The following SKA2 variants were observed in gnomAD, a reference collection of about 807,000 sequenced individuals.
The protein encoded by SKA2 is spindle and kinetochore associated complex subunit 2.
Under a neutral mutation model 16.9 loss-of-function variants are expected in SKA2, and 13 were observed. The ratio of observed to expected loss-of-function variants is 0.77; its 90% CI spans 0.50 to 1.22. The LOEUF is 1.22. SKA2 is among the 50% of genes most tolerant of loss of function. The pLI, the probability that SKA2 is intolerant of heterozygous loss-of-function variation, is 0.00. For missense variants in SKA2, 107 were observed against 139.7 expected, an observed-to-expected ratio of 0.77 and a Z score of 1.18; for synonymous variants, 47 against 48.5, an observed-to-expected ratio of 0.97 and a Z score of 0.13.
chr17:59,114,251 C>T (rs1301464951), intron 3 of SKA2, among the ~76,000 whole-genome samples: 1 of 152,172 alleles, frequency 6.6e-6, no homozygotes, highest in Admixed American at 6.6e-5. Flanking sequence ...ATCTCAGGCA[C>T]ATCGCTATGA....
chr17:59,122,524 T>C lies in SKA2; in HGVS notation c.121-3029A>G, dbSNP rs578254757. On this transcript the variant is annotated intron_variant, in intron 2 of 3. Transcript: ENST00000330137. ...TACTCAGGAGGCTGAGGTGGGAGGA[T>C]CACTTGAGCCTGGGAGGCAGAGGTT... Among the ~76,000 whole-genome samples, 50 of 152,160 alleles carry C rather than the reference T, an allele frequency of 3.3e-4. No individual in the cohort carries two copies. In the Middle Eastern group the frequency reaches 0.014, roughly 41 times the overall value.
chr17:59,138,878 A>C (rs1317185069), intron 1 of SKA2, among the ~76,000 whole-genome samples: 1 of 152,202 alleles, frequency 6.6e-6, no homozygotes, highest in East Asian at 1.9e-4. Flanking sequence ...GTTTTAAAAC[A>C]CTTGCTTTTT....
At chr17:59,154,425 C>T (rs886923290) in intron 1 of SKA2, among the ~76,000 whole-genome samples, 3 of 152,136 alleles carry the variant, frequency 2.0e-5, no homozygotes, top group Admixed American at 6.5e-5. Context: ...TTCTTCGCCC[C>T]CGTTTTCTAC....
chr17:59,145,665 C>A (rs1408743663), intron 1 of SKA2, among the ~76,000 whole-genome samples: 1 of 151,978 alleles, frequency 6.6e-6, no homozygotes, highest in African/African-American at 2.4e-5. Context: ...TTCTTAATAT[C>A]TTTAGCCTCT....
chr17:59,112,389 G>T, intron 3 of SKA2, 44 bp from the exon 4 acceptor site: 2 of 1,468,098 alleles, frequency 1.4e-6, no homozygotes, highest in South Asian at 1.2e-5. Flanking sequence ...AACTTTCAAA[G>T]ACTTAAATCA....
intron 1 of SKA2, among the ~76,000 whole-genome samples, chr17:59,140,493 T>G (rs1451043652): frequency 6.6e-6 from 1 of 151,902 alleles, no homozygotes; most frequent in Non-Finnish European, 1.5e-5. Context: ...CCTCCCAAAG[T>G]GCTGGGATTA....
At chr17:59,124,841 A>G (rs1448511410) in intron 2 of SKA2, among the ~76,000 whole-genome samples, 2 of 152,200 alleles carry the variant, frequency 1.3e-5, no homozygotes, top group African/African-American at 2.4e-5. Flanking sequence ...TTAGGACAAC[A>G]TGATTTGCAT....
At chr17:59,140,273 A>G (rs1029270092) in intron 1 of SKA2, among the ~76,000 whole-genome samples, 1 of 149,532 alleles carries the variant, frequency 6.7e-6, no homozygotes, top group African/African-American at 2.5e-5. Flanking sequence ...CTTGTCCCCC[A>G]GGCTGAAGTG....
chr17:59,154,066 G>A (rs1404105131), intron 1 of SKA2, among the ~76,000 whole-genome samples: 2 of 151,510 alleles, frequency 1.3e-5, no homozygotes, highest in Middle Eastern at 3.4e-3. Context: ...CACCGCGCCC[G>A]GCCAATCGTA....
intron 1 of SKA2, among the ~76,000 whole-genome samples, chr17:59,143,348 C>A (rs1714957396): frequency 6.6e-6 from 1 of 151,992 alleles, no homozygotes; most frequent in African/African-American, 2.4e-5. Context: ...AGATTACAGG[C>A]CCCTACCACC....
chr17:59,140,232 C>CTT (rs564550353), intron 1 of SKA2, among the ~76,000 whole-genome samples: 21 of 143,368 alleles, frequency 1.5e-4, no homozygotes, highest in African/African-American at 4.8e-4. Context: ...AATCTGCAAG[C>CTT]TTTTTTTTTT....
chr17:59,153,334 A>C (rs2046591629), intron 1 of SKA2, among the ~76,000 whole-genome samples: 1 of 152,172 alleles, frequency 6.6e-6, no homozygotes, highest in South Asian at 2.1e-4. Flanking sequence ...GTTTTTTTTA[A>C]ATGATAATAA....
intron 1 of SKA2, among the ~76,000 whole-genome samples, chr17:59,152,504 A>G (rs898576289): frequency 6.6e-6 from 1 of 152,212 alleles, no homozygotes; most frequent in African/African-American, 2.4e-5. Context: ...TCTGAATTGG[A>G]AGTTATTACA....
Position 59,154,911 on chromosome 17 carries a change from T to C in SKA2, c.33+220A>G. ...TTCCAAAGGCCCCGCACCCTCAGCATCTCCCGCCATTTCCCTGACGAGTTT... is the reference window on the plus strand; with the variant it reads ...TTCCAAAGGCCCCGCACCCTCAGCACCTCCCGCCATTTCCCTGACGAGTTT... On this transcript the variant is annotated intron_variant, in intron 1 of 3. Transcript: ENST00000330137. 2.5e-6 allele frequency: 4 copies of C among 1,602,806 alleles called. No individual in the cohort carries two copies. In the South Asian group the frequency reaches 4.4e-5, roughly 18 times the overall value.
chr17:59,134,647 G>A (rs1231975410), intron 1 of SKA2, among the ~76,000 whole-genome samples: 1 of 151,846 alleles, frequency 6.6e-6, no homozygotes, highest in African/African-American at 2.4e-5. Context: ...TGCCTCCGGG[G>A]TTCAAGCAAT....
intron 1 of SKA2, 120 bp from the exon 2 acceptor site, chr17:59,131,487 A>C (rs1011469932): frequency 5.6e-6 from 3 of 533,872 alleles, no homozygotes; most frequent in Non-Finnish European, 9.4e-6. Context: ...TACTCATTTG[A>C]AAATGTGGAA....
intron 1 of SKA2, chr17:59,151,010 A>T (rs2046573409): frequency 2.8e-6 from 1 of 359,728 alleles, no homozygotes; most frequent in Non-Finnish European, 5.6e-6. Context: ...TTTTTTTCAA[A>T]TTATGACTTT....
intron 1 of SKA2, among the ~76,000 whole-genome samples, chr17:59,147,342 AG>A (rs2046541002): frequency 6.6e-6 from 1 of 151,780 alleles, no homozygotes; most frequent in East Asian, 1.9e-4. Context: ...GCTTAAGGCC[AG>A]GGCTGGTAAC....
chr17:59,141,000 T>C (rs1309275193), intron 1 of SKA2, among the ~76,000 whole-genome samples: 1 of 151,932 alleles, frequency 6.6e-6, no homozygotes, highest in Admixed American at 6.6e-5. Context: ...TCTCGTTTTG[T>C]TGCCCAGGCT....
Sources: allele counts gnomAD v4.1 joint callset (sites outside exome capture counted in the v4.1 genomes callset), GRCh38; gene constraint gnomAD v4.1.1; transcripts MANE v1.5; gene names NCBI Gene and HGNC (gene_info 2026-07-23, HGNC 2026-07-21).